Variants in STIL observed in about 807,000 individuals in gnomAD.
STIL encodes SCL-interrupting locus protein.
A neutral mutation model predicts 110.1 loss-of-function variants in STIL; 55 were observed. That is an observed-to-expected ratio of 0.50 (90% CI 0.40 to 0.63). The LOEUF (loss-of-function observed/expected upper bound fraction) is 0.63, where lower values mean the gene tolerates loss of function less well. Ranked by LOEUF, STIL falls within the 20% of genes least tolerant of loss-of-function variation. STIL has a pLI of 0.00. For synonymous variants in STIL, 481 were observed against 530.0 expected (o/e 0.91, Z 1.27); for missense variants, 1,358 against 1,530.0 (o/e 0.89, Z 1.87).
In STIL at chr1:47,280,446, A is replaced by C; in HGVS notation, c.2012T>G (p.Met671Arg). Residue 671 changes from methionine to arginine, a missense_variant, in exon 12 of 17, where the codon ATG becomes AGG. Coordinates refer to ENST00000371877, the MANE Select transcript of STIL (RefSeq NM_001048166.1). ...SPIALRPQGD[M>R]GSCSPHSNIE... Reference sequence around the variant, plus strand: ...ATTGCTGTGGGGAGAACAACTGCCCATATCTCCCTGAGGTCTCAAGGCTAT... The same window carrying C: ...ATTGCTGTGGGGAGAACAACTGCCCCTATCTCCCTGAGGTCTCAAGGCTAT... 2 of 1,614,228 alleles carry C rather than the reference A, an allele frequency of 1.2e-6. No homozygotes were observed. The highest frequency in any genetic ancestry group is 2.2e-5 in the South Asian group (2 of 91,086).
intron 10 of STIL, among the ~76,000 whole-genome samples, chr1:47,286,983 A>G (rs1234350186): frequency 2.0e-5 from 3 of 152,116 alleles, no homozygotes; most frequent in Non-Finnish European, 4.4e-5. Flanking sequence ...TTGGACTCCC[A>G]AAGTGCTGGG....
chr1:47,314,586 A>G (rs1646233657), upstream of STIL, among the ~76,000 whole-genome samples: 1 of 152,188 alleles, frequency 6.6e-6, no homozygotes, highest in Non-Finnish European at 1.5e-5. Context: ...AAGACAAGAA[A>G]GTTAGAGTTA....
At chr1:47,274,709 A>G (rs1244050373) in intron 12 of STIL, among the ~76,000 whole-genome samples, 1 of 152,114 alleles carries the variant, frequency 6.6e-6, no homozygotes, top group Non-Finnish European at 1.5e-5. Context: ...CATTAAAAAA[A>G]AAAAAGCCAT....
chr1:47,296,942 T>C (rs1321785246), intron 6 of STIL, among the ~76,000 whole-genome samples: 1 of 152,226 alleles, frequency 6.6e-6, no homozygotes, highest in Admixed American at 6.5e-5. Context: ...GTGACAAGAA[T>C]ATTAAGCCTG....
At chr1:47,290,432 G>T (rs1041175878) in intron 8 of STIL, among the ~76,000 whole-genome samples, 1 of 152,172 alleles carries the variant, frequency 6.6e-6, no homozygotes, top group African/African-American at 2.4e-5. Flanking sequence ...CAGGCCGGGC[G>T]CAGTGGCTCA....
intron 9 of STIL, among the ~76,000 whole-genome samples, chr1:47,288,892 CAA>C (rs138649605): frequency 0.47 from 44,248 of 94,626 alleles, 8,269 homozygotes; most frequent in Admixed American, 0.55. Flanking sequence ...AATGAAAATA[CAA>C]AAAAAAAAAA....
intron 12 of STIL, 103 bp from the exon 13 acceptor site, chr1:47,272,344 A>T (rs959616520): frequency 8.3e-7 from 1 of 1,204,906 alleles, no homozygotes; most frequent in Admixed American, 1.9e-5. Context: ...TAAGAAACTG[A>T]CTTTTAAGTC....
chr1:47,278,880 G>A (rs1216637243), intron 12 of STIL, among the ~76,000 whole-genome samples: 1 of 151,932 alleles, frequency 6.6e-6, no homozygotes, highest in Non-Finnish European at 1.5e-5. Context: ...AAACAGCAGA[G>A]CTAAATTTTT....
At chr1:47,276,633 C>T (rs1307489986) in intron 12 of STIL, among the ~76,000 whole-genome samples, 1 of 151,266 alleles carries the variant, frequency 6.6e-6, no homozygotes, top group Non-Finnish European at 1.5e-5. Flanking sequence ...CATGGTGAAA[C>T]CCCTGTCTCT....
intron 2 of STIL, among the ~76,000 whole-genome samples, chr1:47,307,907 T>TGAAATAAACTCCAGTCTCCCATAGCGCC (rs1646010845): frequency 6.6e-6 from 1 of 151,974 alleles, no homozygotes; most frequent in Non-Finnish European, 1.5e-5. Flanking sequence ...ATTGCAGAGG[T>TGAAATAAACTCCAGTCTCCCATAGCGCC]GAAATAAACT....
rs60915271 is a variant in STIL, at chr1:47,263,744, G to GTTTTTTTTTTTTTTT, written c.2616-643_2616-629dup. On this transcript the variant is annotated intron_variant, in intron 14 of 16. Coordinates refer to ENST00000371877, the MANE Select transcript of STIL (RefSeq NM_001048166.1). ...TAGGTATGTTATTTGTTCATTCCAA[G>GTTTTTTTTTTTTTTT]TTTTTTTTTTTTTTTTTTTTTTTTT... 1.3e-4 allele frequency among the ~76,000 whole-genome samples: 13 copies of GTTTTTTTTTTTTTTT among 98,312 alleles called. 3 individuals are homozygous for GTTTTTTTTTTTTTTT. The highest frequency in any genetic ancestry group is 2.4e-4 in the Admixed American group (2 of 8,494). 64.5% of individuals were successfully genotyped at this position (98,312 alleles called of 152,430 possible).
At chr1:47,251,957 A>T in intron 16 of STIL, 35 bp from the exon 17 acceptor site, 1 of 1,598,268 alleles carries the variant, frequency 6.3e-7, no homozygotes, top group East Asian at 2.2e-5. Flanking sequence ...ATCATTTACC[A>T]TATTCTAAGT....
chr1:47,272,559 C>G (rs902565394), intron 12 of STIL, among the ~76,000 whole-genome samples: 4 of 151,948 alleles, frequency 2.6e-5, no homozygotes, highest in Non-Finnish European at 4.4e-5. Context: ...ATCGATCCTC[C>G]CACCTCAGCC....
upstream of STIL, among the ~76,000 whole-genome samples, chr1:47,314,765 G>C (rs1443235307): frequency 6.7e-6 from 1 of 150,202 alleles, no homozygotes; most frequent in Non-Finnish European, 1.5e-5. Flanking sequence ...TCACTCCGTC[G>C]CCCAAGCTGG....
intron 8 of STIL, among the ~76,000 whole-genome samples, chr1:47,292,004 A>G (rs1277297356): frequency 6.6e-6 from 1 of 150,856 alleles, no homozygotes; most frequent in Non-Finnish European, 1.5e-5. Context: ...GGCATGTGTC[A>G]TTACACCCAG....
intron 12 of STIL, 121 bp from the exon 13 acceptor site, chr1:47,272,362 T>G: frequency 3.0e-6 from 3 of 1,015,250 alleles, no homozygotes; most frequent in Non-Finnish European, 4.5e-6. Flanking sequence ...GTCTATTTTC[T>G]CAAATTTCAA....
chr1:47,273,605 C>T (rs559718171), intron 12 of STIL, among the ~76,000 whole-genome samples: 1 of 152,300 alleles, frequency 6.6e-6, no homozygotes, highest in South Asian at 2.1e-4. Context: ...CATCAGCTGA[C>T]AGACATTTAG....
chr1:47,291,955 C>T (rs1012915916), intron 8 of STIL, among the ~76,000 whole-genome samples: 5 of 151,840 alleles, frequency 3.3e-5, no homozygotes, highest in African/African-American at 7.3e-5. Context: ...CTCCTGGGCT[C>T]AAGCGATCTT....
intron 14 of STIL, among the ~76,000 whole-genome samples, chr1:47,268,640 C>G (rs1339918580): frequency 4.6e-5 from 7 of 151,812 alleles, no homozygotes; most frequent in African/African-American, 1.7e-4. Context: ...TGTCTGTAAT[C>G]CCAGCTACTC....
Sources: gnomAD v4.1 joint callset for allele counts (sites outside exome capture counted in the v4.1 genomes callset) on GRCh38, gnomAD v4.1.1 for gene constraint, MANE v1.5 for transcripts, NCBI Gene and HGNC (gene_info 2026-07-23, HGNC 2026-07-21) for gene names.